FSIP1: variants seen among roughly 807,000 people sequenced by gnomAD.
FSIP1 encodes the protein fibrous sheath interacting protein 1.
FSIP1 carries 65 observed loss-of-function variants against 60.9 expected under a neutral mutation model. The observed-to-expected ratio is 1.07, with a 90% CI of 0.87 to 1.31. The LOEUF is 1.31. FSIP1 is among the 40% of genes most tolerant of loss of function. FSIP1 has a pLI of 0.00. For missense variants in FSIP1, 675 were observed against 665.5 expected (o/e 1.01, Z -0.16); for synonymous variants, 209 against 221.2 (o/e 0.94, Z 0.49).
At position 39,726,852 on chromosome 15, in the gene FSIP1, A is replaced by AACACACACACACACAC. The variant is rs3065147; in HGVS notation, c.892-121_892-106dup. The AACACACACACACACAC allele has an allele frequency of 9.0e-4, 563 of 622,448 alleles. 3 individuals are homozygous for AACACACACACACACAC. In the African/African-American group the frequency reaches 9.4e-3, roughly 10 times the overall value. The allele number at this position is 622,448 out of a possible 1,614,324, so 38.6% of individuals were successfully genotyped here. On this transcript the variant is annotated intron_variant, in intron 8 of 11. Transcript: ENST00000350221. ...GCCCAGGTCTTCACATACACACACAAACACACACACACACACACACAACAC... is the reference window on the plus strand; with the variant it reads ...GCCCAGGTCTTCACATACACACACAAACACACACACACACACACACACACACACACACACACAACAC...
At chr15:39,650,375 CTA>C (rs1892815192) in intron 10 of FSIP1, among the ~76,000 whole-genome samples, 1 of 152,186 alleles carries the variant, frequency 6.6e-6, no homozygotes, top group Non-Finnish European at 1.5e-5. Flanking sequence ...ACATTGCTGG[CTA>C]TATGGTATCA....
At chr15:39,653,485 T>C (rs1350624838) in intron 10 of FSIP1, among the ~76,000 whole-genome samples, 2 of 152,204 alleles carry the variant, frequency 1.3e-5, no homozygotes, top group African/African-American at 4.8e-5. Flanking sequence ...CACAAACACA[T>C]TAGCTGTACA....
intron 10 of FSIP1, among the ~76,000 whole-genome samples, chr15:39,645,883 G>A (rs1229941792): frequency 6.6e-6 from 1 of 152,238 alleles, no homozygotes; most frequent in Non-Finnish European, 1.5e-5. Flanking sequence ...AGAGTCCGGG[G>A]TGGAAGGGGG....
intron 10 of FSIP1, among the ~76,000 whole-genome samples, chr15:39,632,610 T>C (rs1298669908): frequency 6.6e-6 from 1 of 152,104 alleles, no homozygotes; most frequent in Non-Finnish European, 1.5e-5. Flanking sequence ...CTGGTCAACA[T>C]GGTGCAACTC....
chr15:39,695,462 A>G (rs930846319), intron 10 of FSIP1, among the ~76,000 whole-genome samples: 1 of 152,046 alleles, frequency 6.6e-6, no homozygotes, highest in African/African-American at 2.4e-5. Context: ...ATTATTGTTT[A>G]TATACTCCCA....
intron 4 of FSIP1, among the ~76,000 whole-genome samples, chr15:39,764,614 T>C (rs1166095400): frequency 1.3e-5 from 2 of 152,212 alleles, no homozygotes; most frequent in Non-Finnish European, 2.9e-5. Context: ...CCAATGGCTA[T>C]ATACCAAGTC....
intron 11 of FSIP1, among the ~76,000 whole-genome samples, chr15:39,610,328 T>C (rs896568097): frequency 2.6e-5 from 4 of 151,920 alleles, no homozygotes; most frequent in African/African-American, 9.7e-5. Flanking sequence ...AGCTCAGAGA[T>C]CTCCAATTAA....
chr15:39,701,756 C>T (rs560502309), intron 10 of FSIP1, among the ~76,000 whole-genome samples: 33 of 152,294 alleles, frequency 2.2e-4, no homozygotes, highest in African/African-American at 7.9e-4. Context: ...CTGCAGTCTA[C>T]GTGGAACTGA....
At chr15:39,724,869 CA>C (rs1212972687) in intron 9 of FSIP1, among the ~76,000 whole-genome samples, 1 of 152,094 alleles carries the variant, frequency 6.6e-6, no homozygotes, top group African/African-American at 2.4e-5. Context: ...TTTATTATCC[CA>C]TCTAGGGTTC....
intron 1 of FSIP1, among the ~76,000 whole-genome samples, chr15:39,779,232 AGACATACAAGTTGCCAATAATCCTGCTTT>A (rs1898165872): frequency 6.6e-6 from 1 of 152,110 alleles, no homozygotes; most frequent in African/African-American, 2.4e-5. Context: ...AAATAGAGAA[AGACATACAAGTTGCCAATAATCCTGCTTT>A]AAAAAGTCCA....
At chr15:39,651,595 T>A (rs1237426263) in intron 10 of FSIP1, among the ~76,000 whole-genome samples, 1 of 152,234 alleles carries the variant, frequency 6.6e-6, no homozygotes, top group African/African-American at 2.4e-5. Context: ...AAAAATAATG[T>A]ATTCAAAACA....
intron 10 of FSIP1, among the ~76,000 whole-genome samples, chr15:39,676,097 C>T (rs1325319455): frequency 1.4e-5 from 2 of 146,566 alleles, no homozygotes; most frequent in South Asian, 2.1e-4. Context: ...GGCGTGAACC[C>T]GGAAGGCGGA....
chr15:39,707,104 T>G (rs1261580799), intron 10 of FSIP1, among the ~76,000 whole-genome samples: 2 of 152,144 alleles, frequency 1.3e-5, no homozygotes, highest in Admixed American at 6.5e-5. Context: ...CCAGTTCCTC[T>G]GCCCCCTTGA....
chr15:39,751,873 A>C (rs1224388269), intron 5 of FSIP1, among the ~76,000 whole-genome samples: 1 of 151,920 alleles, frequency 6.6e-6, no homozygotes, highest in East Asian at 1.9e-4. Context: ...CTGATATGTT[A>C]ATTTGTTTCA....
chr15:39,750,125 C>T (rs907602595), intron 5 of FSIP1, among the ~76,000 whole-genome samples: 4 of 151,804 alleles, frequency 2.6e-5, no homozygotes, highest in Non-Finnish European at 4.4e-5. Flanking sequence ...AAGACCTGGA[C>T]ACTAAAAACT....
At chr15:39,668,821 T>C (rs1350400426) in intron 10 of FSIP1, among the ~76,000 whole-genome samples, 1 of 152,184 alleles carries the variant, frequency 6.6e-6, no homozygotes, top group Admixed American at 6.5e-5. Flanking sequence ...TGGCCACCCA[T>C]TTAAAAATAA....
chr15:39,615,728 C>CAA lies in FSIP1; in HGVS notation c.1699+2005_1699+2006dup, dbSNP rs35259437. On this transcript the variant is annotated intron_variant, in intron 11 of 11. Coordinates refer to ENST00000350221, the MANE Select transcript of FSIP1 (RefSeq NM_152597.5). Reference sequence around the variant, plus strand: ...TGAAACTCCATCTCTACTAAAAATACAAAAAAAAAAAAAAAAAGTCAAACT... The same window carrying CAA: ...TGAAACTCCATCTCTACTAAAAATACAAAAAAAAAAAAAAAAAAAGTCAAACT... 6.7e-3 allele frequency among the ~76,000 whole-genome samples: 799 copies of CAA among 119,760 alleles called. 12 individuals are homozygous for CAA. Among genetic ancestry groups the CAA allele is most frequent in the African/African-American group, 0.024 (747 of 31,722 alleles). The allele number at this position is 119,760 out of a possible 152,430, so 78.6% of individuals were successfully genotyped here. A position where few individuals can be genotyped will look rare whatever the true frequency, so the allele number is the denominator to read the frequency against.
intron 10 of FSIP1, among the ~76,000 whole-genome samples, chr15:39,682,686 C>G (rs1426722839): frequency 2.0e-5 from 3 of 152,214 alleles, no homozygotes; most frequent in Non-Finnish European, 4.4e-5. Context: ...ATCTACATTA[C>G]TTTCTGGTTT....
chr15:39,608,012 A>G (rs2412421), intron 11 of FSIP1, among the ~76,000 whole-genome samples: 33,402 of 151,978 alleles, frequency 0.22, 4,761 homozygotes, highest in African/African-American at 0.4. Context: ...TGTAGAAAGC[A>G]CATAATGGAC....
Sources: gnomAD v4.1 joint callset for allele counts (sites outside exome capture counted in the v4.1 genomes callset) on GRCh38, gnomAD v4.1.1 for gene constraint, MANE v1.5 for transcripts, NCBI Gene and HGNC (gene_info 2026-07-23, HGNC 2026-07-21) for gene names.